The following SLC22A15 variants were observed in gnomAD, a reference collection of about 807,000 sequenced individuals.
SLC22A15 encodes solute carrier family 22 member 15, also known as flipt 1.
A neutral mutation model predicts 62.7 loss-of-function variants in SLC22A15; 45 were observed. The ratio of observed to expected loss-of-function variants is 0.72; its 90% CI spans 0.56 to 0.92. SLC22A15 has a LOEUF of 0.92. Ranked by LOEUF, SLC22A15 falls within the 40% of genes least tolerant of loss-of-function variation. The pLI, the probability that SLC22A15 is intolerant of heterozygous loss-of-function variation, is 0.00. For synonymous variants in SLC22A15, 264 were observed against 267.0 expected (o/e 0.99, Z 0.11); for missense variants, 622 against 665.6 (o/e 0.93, Z 0.72).
chr1:116,038,382 A>G (rs1657689129), intron 8 of SLC22A15, among the ~76,000 whole-genome samples: 1 of 152,208 alleles, frequency 6.6e-6, no homozygotes, highest in African/African-American at 2.4e-5. Flanking sequence ...GTGTCTCATT[A>G]AAGACCCCAA....
At chr1:116,052,884 A>G (rs890443315) in intron 8 of SLC22A15, among the ~76,000 whole-genome samples, 2 of 152,168 alleles carry the variant, frequency 1.3e-5, no homozygotes, top group African/African-American at 4.8e-5. Flanking sequence ...CAGAAAGGAC[A>G]TCCACACCAA....
chr1:116,031,645 C>T (rs1657403919), intron 6 of SLC22A15, 64 bp downstream of exon 6: 1 of 1,594,970 alleles, frequency 6.3e-7, no homozygotes, highest in Non-Finnish European at 8.6e-7. Context: ...CTCTTGATAT[C>T]CTGCTCCTTC....
intron 4 of SLC22A15, among the ~76,000 whole-genome samples, chr1:116,023,312 A>G (rs964745137): frequency 2.0e-5 from 3 of 152,212 alleles, no homozygotes; most frequent in African/African-American, 7.2e-5. Flanking sequence ...AACAAAAAAT[A>G]CTGAAGCTGT....
chr1:116,055,769 G>T (rs1480700274), intron 8 of SLC22A15, among the ~76,000 whole-genome samples: 1 of 145,382 alleles, frequency 6.9e-6, no homozygotes, highest in African/African-American at 2.5e-5. Flanking sequence ...ATCAATAAAT[G>T]TAATCCAGCA....
intron 8 of SLC22A15, among the ~76,000 whole-genome samples, chr1:116,047,994 A>T (rs1657970588): frequency 1.3e-5 from 2 of 152,208 alleles, no homozygotes; most frequent in Admixed American, 1.3e-4. Flanking sequence ...CAAAGCTCTA[A>T]GACAAGGTTT....
At chr1:116,031,924 A>T (rs1657421910) in intron 6 of SLC22A15, 13 of 1,087,922 alleles carry the variant, frequency 1.2e-5, no homozygotes, top group Middle Eastern at 8.5e-4. Context: ...GCATGGTAGA[A>T]ATAGATGAGT....
chr1:116,037,805 T>C (rs1354993326), intron 8 of SLC22A15, among the ~76,000 whole-genome samples: 1 of 152,154 alleles, frequency 6.6e-6, no homozygotes, highest in African/African-American at 2.4e-5. Flanking sequence ...CCCTCAAATC[T>C]CCACCATGAC....
At chr1:116,066,821 G>C in intron 11 of SLC22A15, 113 bp downstream of exon 11, 1 of 1,095,292 alleles carries the variant, frequency 9.1e-7, no homozygotes, top group South Asian at 1.7e-5. Flanking sequence ...AACAAAAGTG[G>C]GATCTAACAG....
intron 8 of SLC22A15, among the ~76,000 whole-genome samples, chr1:116,044,817 T>G (rs1056288136): frequency 1.3e-5 from 2 of 152,260 alleles, no homozygotes; most frequent in Middle Eastern, 3.4e-3. Flanking sequence ...TTATGAAATA[T>G]GTATATGACT....
At chr1:115,998,859 A>C (rs1655563978) in intron 2 of SLC22A15, among the ~76,000 whole-genome samples, 1 of 151,826 alleles carries the variant, frequency 6.6e-6, no homozygotes, top group Non-Finnish European at 1.5e-5. Flanking sequence ...TAATTCTTTA[A>C]TCTGCATCAT....
chr1:116,062,645 A>G (rs1453630343), intron 8 of SLC22A15, 117 bp from the exon 9 acceptor site: 3 of 1,167,714 alleles, frequency 2.6e-6, no homozygotes, highest in African/African-American at 1.5e-5. Context: ...TGGTTACACT[A>G]TCTCTTTGCT....
At chr1:116,039,324 G>C (rs1227800881) in intron 8 of SLC22A15, among the ~76,000 whole-genome samples, 1 of 152,118 alleles carries the variant, frequency 6.6e-6, no homozygotes, top group Non-Finnish European at 1.5e-5. Flanking sequence ...CCTAAGGTCA[G>C]GAGTTCGAGA....
At chr1:116,003,421 G>C (rs1655830398) in intron 2 of SLC22A15, among the ~76,000 whole-genome samples, 3 of 152,138 alleles carry the variant, frequency 2.0e-5, no homozygotes, top group African/African-American at 7.2e-5. Flanking sequence ...TTGCAGTCTA[G>C]GCCACAAGAA....
At chr1:115,989,364 T>A (rs1655036474) in intron 1 of SLC22A15, among the ~76,000 whole-genome samples, 1 of 152,234 alleles carries the variant, frequency 6.6e-6, no homozygotes, top group Non-Finnish European at 1.5e-5. Context: ...AGTTGTTTTC[T>A]CCAAACTGGC....
intron 2 of SLC22A15, among the ~76,000 whole-genome samples, chr1:116,008,876 G>A (rs921889086): frequency 2.6e-5 from 4 of 152,138 alleles, no homozygotes; most frequent in African/African-American, 9.7e-5. Context: ...TGGTGTCAGC[G>A]TCTGCCTTCT....
intron 2 of SLC22A15, among the ~76,000 whole-genome samples, chr1:116,011,626 T>C (rs746206107): frequency 1.7e-4 from 26 of 152,158 alleles, no homozygotes; most frequent in Non-Finnish European, 3.1e-4. Flanking sequence ...CACAGCATCA[T>C]AGGGGAGAGA....
At chr1:116,022,235 T>C (rs1292905053) in intron 4 of SLC22A15, among the ~76,000 whole-genome samples, 1 of 152,146 alleles carries the variant, frequency 6.6e-6, no homozygotes, top group Non-Finnish European at 1.5e-5. Flanking sequence ...TTGGAACTGG[T>C]CCTAAGCTGG....
chr1:115,992,306 T>G, intron 2 of SLC22A15, 63 bp downstream of exon 2: 1 of 1,340,734 alleles, frequency 7.5e-7, no homozygotes. Flanking sequence ...GAGCTACTCT[T>G]TTTGTCTTGC....
chr1:116,060,581 A>C (rs1218030454), intron 8 of SLC22A15, among the ~76,000 whole-genome samples: 1 of 152,234 alleles, frequency 6.6e-6, no homozygotes, highest in Non-Finnish European at 1.5e-5. Context: ...GTATGGGTTG[A>C]AAACAGTCCC....
Sources: allele counts gnomAD v4.1 joint callset (sites outside exome capture counted in the v4.1 genomes callset), GRCh38; gene constraint gnomAD v4.1.1; transcripts MANE v1.5; gene names NCBI Gene and HGNC (gene_info 2026-07-23, HGNC 2026-07-21).